CCDC88A: variants seen among roughly 807,000 people sequenced by gnomAD.
CCDC88A encodes the protein coiled-coil and HOOK domain protein 88A.
In CCDC88A, 54 loss-of-function variants were observed where a neutral mutation model predicts 234.3. The ratio of observed to expected loss-of-function variants is 0.23; its 90% CI spans 0.19 to 0.29. The LOEUF is 0.29. Among genes scored for constraint, CCDC88A ranks in the 10% least tolerant of loss-of-function variants. The pLI is 1.00. For missense variants in CCDC88A, 1,832 were observed against 2,123.4 expected (o/e 0.86, Z 2.70); for synonymous variants, 753 against 737.8 (o/e 1.02, Z -0.33).
intron 2 of CCDC88A, chr2:55,394,444 C>A (rs1677174542): frequency 6.6e-6 from 1 of 151,952 alleles, no homozygotes; most frequent in Non-Finnish European, 1.5e-5. Context: ...TGGATATATA[C>A]CCAGTAATGG....
chr2:55,412,274 A>G (rs1038722296), intron 2 of CCDC88A, among the ~76,000 whole-genome samples: 39 of 152,350 alleles, frequency 2.6e-4, no homozygotes, highest in African/African-American at 9.4e-4. Flanking sequence ...TCCGAATCAT[A>G]AGGAAGAAAA....
intron 5 of CCDC88A, among the ~76,000 whole-genome samples, chr2:55,370,737 G>A (rs1361489369): frequency 3.3e-5 from 5 of 149,396 alleles, no homozygotes; most frequent in Non-Finnish European, 5.9e-5. Flanking sequence ...GCCAGGCAGG[G>A]TGGCTCATGC....
chr2:55,294,848 A>G, intron 31 of CCDC88A: 1 of 1,045,376 alleles, frequency 9.6e-7, no homozygotes, highest in East Asian at 8.7e-5. Flanking sequence ...CATGCAGAAA[A>G]TGGACAAAGT....
intron 2 of CCDC88A, among the ~76,000 whole-genome samples, chr2:55,390,505 C>T (rs1247765556): frequency 6.6e-6 from 1 of 152,176 alleles, no homozygotes; most frequent in East Asian, 1.9e-4. Flanking sequence ...GAAAATAATG[C>T]AACCAAACTG....
At chr2:55,339,796 C>T in intron 12 of CCDC88A, 148 bp from the exon 13 acceptor site, 2 of 556,346 alleles carry the variant, frequency 3.6e-6, no homozygotes, top group Non-Finnish European at 5.9e-6. Context: ...ATAAGATAAA[C>T]AAGATAAAAG....
At chr2:55,294,213 A>G (rs942852632) in intron 31 of CCDC88A, 18 of 900,926 alleles carry the variant, frequency 2.0e-5, no homozygotes, top group South Asian at 1.5e-4. Flanking sequence ...TCTCTATAAA[A>G]AAAGAACTGG....
chr2:55,305,519 G>C (rs1681442584), intron 25 of CCDC88A, among the ~76,000 whole-genome samples: 1 of 152,104 alleles, frequency 6.6e-6, no homozygotes, highest in Non-Finnish European at 1.5e-5. Context: ...AGACTTTTGT[G>C]CCTCTCTTGT....
At chr2:55,310,918 C>A (rs1682272404) in intron 23 of CCDC88A, among the ~76,000 whole-genome samples, 1 of 152,206 alleles carries the variant, frequency 6.6e-6, no homozygotes, top group African/African-American at 2.4e-5. Flanking sequence ...CTGTCCACTG[C>A]CATCCTGCTA....
At chr2:55,413,878 G>A (rs570561910) in intron 2 of CCDC88A, among the ~76,000 whole-genome samples, 30 of 152,130 alleles carry the variant, frequency 2.0e-4, no homozygotes, top group African/African-American at 6.5e-4. Context: ...CTTGAGCCCG[G>A]GAGGTGAAGG....
intron 5 of CCDC88A, among the ~76,000 whole-genome samples, chr2:55,367,072 T>C (rs1159048440): frequency 1.3e-5 from 2 of 152,166 alleles, no homozygotes; most frequent in Non-Finnish European, 2.9e-5. Flanking sequence ...TTATTCAGCC[T>C]TAATAAGGAA....
intron 2 of CCDC88A, among the ~76,000 whole-genome samples, chr2:55,389,420 G>A (rs1228869599): frequency 6.6e-6 from 1 of 152,110 alleles, no homozygotes. Flanking sequence ...AACTGCAGAA[G>A]AAAAATAGTC....
intron 32 of CCDC88A, 69 bp downstream of exon 32, chr2:55,291,607 T>C: frequency 1.5e-6 from 1 of 648,518 alleles, no homozygotes; most frequent in Non-Finnish European, 2.7e-6. Flanking sequence ...GTGCACTTGT[T>C]TCACACTTAA....
chr2:55,346,157 G>T lies in CCDC88A; in HGVS notation c.1041+18C>A. 3 of 1,550,426 alleles carry T rather than the reference G, an allele frequency of 1.9e-6. No homozygotes were observed. Among genetic ancestry groups the T allele is most frequent in the Non-Finnish European group, 1.7e-6 (2 of 1,144,192 alleles). On this transcript the variant is annotated intron_variant, in intron 10 of 32. Transcript: ENST00000436346. ...AACACAGAAAAAAAAATCATGAATG[G>T]TTAATTATGCAACATACCTCAACTC...
chr2:55,291,868 G>C, intron 31 of CCDC88A, 93 bp from the exon 32 acceptor site: 1 of 880,838 alleles, frequency 1.1e-6, no homozygotes. Context: ...AGTAGGGCAA[G>C]GAGAAGGAAT....
At position 55,312,499 on chromosome 2, in the gene CCDC88A, G is replaced by T; in HGVS notation, c.4014C>A (p.Asn1338Lys). The change falls in exon 23 of 33, where the codon AAC becomes AAA. Residue 1338 changes from asparagine (N) to lysine (K), a missense_variant. Physicochemically the swap from Asn to Lys is moderately conservative, Grantham distance 94 (BLOSUM62 0). Around this residue, in one of 6 missense-constraint regions of CCDC88A, gnomAD observed 1,282 missense variants for 1,543.6 expected, o/e 0.83. Coordinates refer to ENST00000436346, the MANE Select transcript of CCDC88A (RefSeq NM_001365480.1). ...LDQIQTLMLQ[N>K]RTLLEQNMES... is the part of the protein sequence containing the mutation. The stretch of plus-strand genomic sequence containing the variant: ...CCATATTCTGCTCCAAAAGTGTTCT[G>T]TTCTGTAGCATTAATGTCTGAATTT... The T allele has an allele frequency of 6.2e-7, 1 of 1,611,320 alleles. No individual in the cohort carries two copies.
At chr2:55,320,287 C>T (rs1216043083) in intron 18 of CCDC88A, among the ~76,000 whole-genome samples, 1 of 151,876 alleles carries the variant, frequency 6.6e-6, no homozygotes, top group African/African-American at 2.4e-5. Flanking sequence ...CAAGCTCTAC[C>T]GATTATTCCA....
At chr2:55,388,008 C>T (rs2104889350) in intron 3 of CCDC88A, among the ~76,000 whole-genome samples, 1 of 152,148 alleles carries the variant, frequency 6.6e-6, no homozygotes, top group East Asian at 1.9e-4. Flanking sequence ...ATCAACAAGG[C>T]TGTAAAAGAT....
rs187685597 is a variant in CCDC88A at position 55,305,225 on chromosome 2, C to G, written c.4388-2073G>C. 1.4e-3 allele frequency among the ~76,000 whole-genome samples: 212 copies of G among 152,314 alleles called. 1 individual carries two copies. The highest frequency in any genetic ancestry group is 9.4e-4 in the Non-Finnish European group (64 of 68,016). ...AAGGACTGCTTTACTGACAGATACT[C>G]TTCCAAAATGGACAGGATAAAAGGA... On this transcript the variant is annotated intron_variant, in intron 25 of 32. Transcript: ENST00000436346.
intron 17 of CCDC88A, among the ~76,000 whole-genome samples, chr2:55,327,389 G>A (rs2104662987): frequency 6.6e-6 from 1 of 152,246 alleles, no homozygotes; most frequent in East Asian, 1.9e-4. Context: ...CCATACCTTT[G>A]GAGTTGCTGC....
Sources: allele counts gnomAD v4.1 joint callset (sites outside exome capture counted in the v4.1 genomes callset), GRCh38; gene constraint gnomAD v4.1.1; regional missense constraint gnomAD v4.1.1; transcripts MANE v1.5; gene names NCBI Gene and HGNC (gene_info 2026-07-23, HGNC 2026-07-21).